The following TMEM132D variants were observed in gnomAD, a reference collection of about 807,000 sequenced individuals.
TMEM132D encodes transmembrane protein 132D.
A neutral mutation model predicts 62.3 loss-of-function variants in TMEM132D; 21 were observed. That is an observed-to-expected ratio of 0.34 (90% confidence interval 0.24 to 0.49). The LOEUF is 0.49. TMEM132D is among the 20% of genes least tolerant of loss of function. The pLI is 0.99. For synonymous variants in TMEM132D, 621 were observed against 575.6 expected, an observed-to-expected ratio of 1.08 and a Z score of -1.13; for missense variants, 1,346 against 1,402.8, an observed-to-expected ratio of 0.96 and a Z score of 0.65.
At chr12:129,216,127 T>C (rs1879194302) in intron 4 of TMEM132D, among the ~76,000 whole-genome samples, 1 of 152,198 alleles carries the variant, frequency 6.6e-6, no homozygotes. Flanking sequence ...GCAAGTTACT[T>C]AACTCTTCGT....
chr12:129,866,781 A>G (rs1036051527), intron 1 of TMEM132D, among the ~76,000 whole-genome samples: 3 of 152,154 alleles, frequency 2.0e-5, no homozygotes, highest in Non-Finnish European at 4.4e-5. Flanking sequence ...ATATATCCAA[A>G]GAAAATGAGT....
intron 3 of TMEM132D, among the ~76,000 whole-genome samples, chr12:129,359,757 C>T (rs143663136): frequency 3.3e-4 from 50 of 152,032 alleles, no homozygotes; most frequent in African/African-American, 1.2e-3. Flanking sequence ...AATACTTACT[C>T]CCACTGAGAA....
chr12:129,267,421 A>G, intron 4 of TMEM132D, among the ~76,000 whole-genome samples: 1 of 152,112 alleles, frequency 6.6e-6, no homozygotes, highest in Admixed American at 6.5e-5. Context: ...TCATGAATGA[A>G]CTCCCATTCA....
chr12:129,558,451 G>C (rs76161273), intron 2 of TMEM132D, among the ~76,000 whole-genome samples: 13,716 of 152,166 alleles, frequency 0.09, 894 homozygotes, highest in Admixed American at 0.22. Flanking sequence ...GGCAAGCAAG[G>C]GGTAAGGATC....
At chr12:129,708,499 G>A (rs1268348713) in intron 1 of TMEM132D, among the ~76,000 whole-genome samples, 5 of 150,598 alleles carry the variant, frequency 3.3e-5, no homozygotes, top group Admixed American at 1.3e-4. Context: ...AATGCCTATC[G>A]GTCTCCCTGA....
Position 129,684,586 on chromosome 12 carries a change from G to A in TMEM132D, c.968+15224C>T, listed in dbSNP as rs116278386. ...TGCTATAAAGATATCTGAAAATGTG[G>A]AAGCTACTTTGCATCTGGGTAACAG... On this transcript the variant is annotated intron_variant, in intron 2 of 8. Coordinates refer to ENST00000422113, the MANE Select transcript of TMEM132D (RefSeq NM_133448.3). Among the ~76,000 whole-genome samples, 1,015 of 152,134 alleles carry A rather than the reference G, an allele frequency of 6.7e-3. 15 individuals are homozygous for A. The highest frequency in any genetic ancestry group is 0.023 in the African/African-American group (961 of 41,502).
chr12:129,146,822 G>T (rs1876913230), intron 5 of TMEM132D, among the ~76,000 whole-genome samples: 1 of 152,128 alleles, frequency 6.6e-6, no homozygotes, highest in Non-Finnish European at 1.5e-5. Flanking sequence ...TCTTCCAAAG[G>T]CTTCACATGG....
At chr12:129,600,613 T>C (rs1878459988) in intron 2 of TMEM132D, among the ~76,000 whole-genome samples, 1 of 152,204 alleles carries the variant, frequency 6.6e-6, no homozygotes, top group African/African-American at 2.4e-5. Flanking sequence ...CCTTGATCCA[T>C]GGGTTGCAGA....
At chr12:129,226,729 T>TGAA (rs940710920) in intron 4 of TMEM132D, among the ~76,000 whole-genome samples, 1 of 152,328 alleles carries the variant, frequency 6.6e-6, no homozygotes, top group Non-Finnish European at 1.5e-5. Context: ...AAATGTTCTG[T>TGAA]GAAGTTTGAA....
At chr12:129,828,416 A>C (rs1185279487) in intron 1 of TMEM132D, among the ~76,000 whole-genome samples, 1 of 152,038 alleles carries the variant, frequency 6.6e-6, no homozygotes, top group Non-Finnish European at 1.5e-5. Flanking sequence ...ATCTTTATAA[A>C]TAATGTTAAC....
intron 4 of TMEM132D, among the ~76,000 whole-genome samples, chr12:129,261,520 T>C (rs1268365398): frequency 1.3e-5 from 2 of 152,232 alleles, no homozygotes; most frequent in African/African-American, 2.4e-5. Context: ...AAACATCTTT[T>C]CCTTTATAAA....
intron 1 of TMEM132D, among the ~76,000 whole-genome samples, chr12:129,715,784 A>G (rs973226223): frequency 3.3e-5 from 5 of 152,234 alleles, no homozygotes; most frequent in African/African-American, 1.2e-4. Flanking sequence ...TGTGAATATC[A>G]TCTTTTAGCA....
intron 1 of TMEM132D, among the ~76,000 whole-genome samples, chr12:129,709,860 T>C (rs569621565): frequency 6.6e-6 from 1 of 152,220 alleles, no homozygotes; most frequent in East Asian, 1.9e-4. Context: ...AAGTAAACCA[T>C]TATTTTATGT....
At chr12:129,227,232 G>A (rs902552808) in intron 4 of TMEM132D, among the ~76,000 whole-genome samples, 1 of 140,332 alleles carries the variant, frequency 7.1e-6, no homozygotes, top group African/African-American at 2.5e-5. Context: ...TACAGAAGAT[G>A]CCAAGTGATA....
chr12:129,579,401 C>G (rs566628158), intron 2 of TMEM132D, among the ~76,000 whole-genome samples: 1 of 152,174 alleles, frequency 6.6e-6, no homozygotes, highest in African/African-American at 2.4e-5. Context: ...CTTACACAAC[C>G]ACAAGGTGAA....
At chr12:129,862,555 C>T (rs935838148) in intron 1 of TMEM132D, among the ~76,000 whole-genome samples, 32 of 152,204 alleles carry the variant, frequency 2.1e-4, no homozygotes, top group African/African-American at 7.5e-4. Flanking sequence ...GACTAATTCA[C>T]GGCAGCCATG....
At chr12:129,686,478 C>T (rs551322697) in intron 2 of TMEM132D, among the ~76,000 whole-genome samples, 1 of 152,230 alleles carries the variant, frequency 6.6e-6, no homozygotes, top group South Asian at 2.1e-4. Context: ...CTGAGGCCTC[C>T]CCAGTCCTGC....
At chr12:129,861,000 C>A (rs1873880493) in intron 1 of TMEM132D, among the ~76,000 whole-genome samples, 1 of 152,148 alleles carries the variant, frequency 6.6e-6, no homozygotes, top group South Asian at 2.1e-4. Context: ...GGTGGGGACA[C>A]AGCCAAACCA....
At chr12:129,353,760 C>G (rs551518226) in intron 3 of TMEM132D, among the ~76,000 whole-genome samples, 1 of 152,218 alleles carries the variant, frequency 6.6e-6, no homozygotes, top group Non-Finnish European at 1.5e-5. Context: ...ATCTTCCTTC[C>G]CTGACCTGCT....
Sources: allele counts gnomAD v4.1 joint callset (sites outside exome capture counted in the v4.1 genomes callset), GRCh38; gene constraint gnomAD v4.1.1; transcripts MANE v1.5; gene names NCBI Gene and HGNC (gene_info 2026-07-23, HGNC 2026-07-21).